OSBPL8: variants seen among roughly 807,000 people sequenced by gnomAD.
The protein encoded by OSBPL8 is oxysterol binding protein like 8, also known as oxysterol-binding protein-related protein 8.
OSBPL8 carries 59 observed loss-of-function variants against 125.5 expected under a neutral mutation model. That is an observed-to-expected ratio of 0.47 (90% CI 0.38 to 0.58). The LOEUF (loss-of-function observed/expected upper bound fraction) is 0.58, where lower values mean the gene tolerates loss of function less well. Among genes scored for constraint, OSBPL8 ranks in the 20% least tolerant of loss-of-function variants. The probability of loss-of-function intolerance (pLI) is 0.00; values close to 1 mark genes in which losing one functional copy is unlikely to be tolerated. For missense variants in OSBPL8, 758 were observed against 1,047.8 expected (o/e 0.72, Z 3.82); for synonymous variants, 330 against 338.9 (o/e 0.97, Z 0.29).
chr12:76,427,857 G>C (rs1870332662), intron 4 of OSBPL8, among the ~76,000 whole-genome samples: 1 of 152,048 alleles, frequency 6.6e-6, no homozygotes, highest in South Asian at 2.1e-4. Context: ...ACCACACATT[G>C]TTAAGTTGAA....
intron 1 of OSBPL8, among the ~76,000 whole-genome samples, chr12:76,524,719 T>C (rs1950119396): frequency 6.6e-6 from 1 of 151,938 alleles, no homozygotes; most frequent in South Asian, 2.1e-4. Context: ...AGTCTTGCTT[T>C]ATTGCCCAGG....
At chr12:76,556,346 G>A (rs546566338) in intron 1 of OSBPL8, among the ~76,000 whole-genome samples, 71 of 152,148 alleles carry the variant, frequency 4.7e-4, no homozygotes, top group Non-Finnish European at 9.4e-4. Context: ...TCCGAAAATA[G>A]CTCTCTCCCT....
At chr12:76,517,953 A>C (rs1460427290) in intron 1 of OSBPL8, among the ~76,000 whole-genome samples, 1 of 152,196 alleles carries the variant, frequency 6.6e-6, no homozygotes, top group African/African-American at 2.4e-5. Flanking sequence ...ATCACATTTC[A>C]ACATGAGATG....
intron 2 of OSBPL8, among the ~76,000 whole-genome samples, chr12:76,471,311 C>G (rs927297609): frequency 1.3e-5 from 2 of 152,168 alleles, no homozygotes; most frequent in African/African-American, 4.8e-5. Context: ...TTCATCTTCC[C>G]TTTCTCTGCC....
rs1182806186 is a variant in OSBPL8, at chr12:76,459,884, A to T, written c.54T>A (p.Asp18Glu). 4 of 1,613,708 alleles carry T rather than the reference A, an allele frequency of 2.5e-6. No individual in the cohort carries two copies. In the African/African-American group the frequency reaches 5.3e-5, roughly 22 times the overall value. Residue 18 changes from aspartate to glutamate, a missense_variant, in exon 3 of 24, where the codon GAT becomes GAA. Asp to Glu is a conservative substitution (Grantham distance 45). Coordinates refer to ENST00000261183, the MANE Select transcript of OSBPL8 (RefSeq NM_020841.5). ...GEPDRTSLLG[D>E]SKDVLGPSTV... is the part of the protein sequence containing the mutation. ...TTGATGGCCCAAGGACATCTTTGCT[A>T]TCACCAAGAAGCTTTTAAGGCAGGG...
intron 4 of OSBPL8, among the ~76,000 whole-genome samples, chr12:76,420,020 T>G (rs1869266018): frequency 6.6e-6 from 1 of 152,140 alleles, no homozygotes; most frequent in Non-Finnish European, 1.5e-5. Flanking sequence ...CCTTAACCTC[T>G]AATTTGTCCA....
Position 76,351,987 on chromosome 12 carries a change from G to T in OSBPL8, c.*3902C>A, listed in dbSNP as rs1249351133. The T allele has an allele frequency of 6.6e-6, 1 of 152,190 alleles. No homozygotes were observed. Among genetic ancestry groups the T allele is most frequent in the Non-Finnish European group, 1.5e-5 (1 of 68,022 alleles). The allele number at this position is 152,190 out of a possible 1,614,324, so 9.4% of individuals were successfully genotyped here. A position where few individuals can be genotyped will look rare whatever the true frequency, so the allele number is the denominator to read the frequency against. ...CATTTACTGTGCACCTTAAGGAAAA[G>T]AATTTGACAGTGTGCTGTACTTACA... On this transcript the variant is annotated 3_prime_UTR_variant, in exon 24 of 24. Coordinates refer to ENST00000261183, the MANE Select transcript of OSBPL8 (RefSeq NM_020841.5).
At chr12:76,360,608 C>T (rs943142878) in intron 21 of OSBPL8, among the ~76,000 whole-genome samples, 2 of 152,374 alleles carry the variant, frequency 1.3e-5, no homozygotes, top group African/African-American at 4.8e-5. Context: ...CTGCACTGTG[C>T]TAGCAGAGGT....
chr12:76,431,739 T>C (rs1870853629), intron 4 of OSBPL8, among the ~76,000 whole-genome samples: 2 of 152,104 alleles, frequency 1.3e-5, no homozygotes, highest in African/African-American at 4.8e-5. Context: ...TCAATGCACC[T>C]AAATATATAA....
intron 21 of OSBPL8, among the ~76,000 whole-genome samples, chr12:76,364,700 G>C (rs1952344851): frequency 6.6e-6 from 1 of 152,144 alleles, no homozygotes; most frequent in African/African-American, 2.4e-5. Flanking sequence ...TTGACATTTA[G>C]ACACTCAATT....
intron 12 of OSBPL8, among the ~76,000 whole-genome samples, chr12:76,388,254 T>C (rs574566524): frequency 1.3e-5 from 2 of 152,224 alleles, no homozygotes; most frequent in Non-Finnish European, 2.9e-5. Context: ...GCATTATATC[T>C]GTAGGAGTTA....
chr12:76,524,780 T>C (rs767885548), intron 1 of OSBPL8, among the ~76,000 whole-genome samples: 5 of 151,284 alleles, frequency 3.3e-5, no homozygotes, highest in Admixed American at 2.0e-4. Flanking sequence ...GCCTCCCAGG[T>C]TCAAGTGATT....
chr12:76,503,602 G>A (rs11837690), intron 1 of OSBPL8, among the ~76,000 whole-genome samples: 31,273 of 152,034 alleles, frequency 0.21, 3,451 homozygotes, highest in Non-Finnish European at 0.26. Context: ...GCAGTGGCGC[G>A]ATCTCGGCTC....
In OSBPL8 at chr12:76,410,625, C is replaced by G; in HGVS notation, c.227G>C (p.Arg76Thr). Residue 76 changes from arginine to threonine, a missense_variant, in exon 5 of 24, where the codon AGA (arginine) becomes ACA (threonine). Arg to Thr is a moderately conservative substitution (Grantham distance 71). Coordinates refer to ENST00000261183, the MANE Select transcript of OSBPL8 (RefSeq NM_020841.5). Reference protein sequence around the residue: ...PASPHSQGFERGKEDISQNKD... With the variant: ...PASPHSQGFETGKEDISQNKD... ...ATTTTGAGAAATATCTTCCTTCCCTCTTTCAAAACCTTAAAAAAATAGTCA... is the reference window on the plus strand; with the variant it reads ...ATTTTGAGAAATATCTTCCTTCCCTGTTTCAAAACCTTAAAAAAATAGTCA... 2.5e-6 allele frequency: 4 copies of G among 1,600,402 alleles called. No homozygotes were observed. Among genetic ancestry groups the G allele is most frequent in the Non-Finnish European group, 3.4e-6 (4 of 1,168,890 alleles).
chr12:76,433,801 C>G (rs1871132512), intron 4 of OSBPL8, among the ~76,000 whole-genome samples: 1 of 151,642 alleles, frequency 6.6e-6, no homozygotes, highest in African/African-American at 2.4e-5. Context: ...CGTGAAATGC[C>G]ATCTCTACTA....
At chr12:76,431,504 T>C (rs1257715739) in intron 4 of OSBPL8, among the ~76,000 whole-genome samples, 1 of 152,152 alleles carries the variant, frequency 6.6e-6, no homozygotes, top group South Asian at 2.1e-4. Flanking sequence ...GACTCAACTA[T>C]ATGCTGTTTA....
At chr12:76,444,335 G>A (rs1872530431) in intron 4 of OSBPL8, among the ~76,000 whole-genome samples, 1 of 152,094 alleles carries the variant, frequency 6.6e-6, no homozygotes, top group Admixed American at 6.5e-5. Flanking sequence ...ACAATATAAA[G>A]CAGCATATTG....
intron 2 of OSBPL8, among the ~76,000 whole-genome samples, chr12:76,462,671 GA>G (rs1382612025): frequency 2.6e-5 from 4 of 152,066 alleles, no homozygotes; most frequent in Non-Finnish European, 5.9e-5. Context: ...ACTAGGGGGG[GA>G]AATAAGTAAC....
chr12:76,532,113 T>C (rs1261748571), intron 1 of OSBPL8, among the ~76,000 whole-genome samples: 1 of 151,318 alleles, frequency 6.6e-6, no homozygotes, highest in Admixed American at 6.6e-5. Flanking sequence ...TTTTCTTTTC[T>C]AAACAAAAAT....
Sources: gnomAD v4.1 joint callset for allele counts (sites outside exome capture counted in the v4.1 genomes callset) on GRCh38, gnomAD v4.1.1 for gene constraint, MANE v1.5 for transcripts, NCBI Gene and HGNC (gene_info 2026-07-23, HGNC 2026-07-21) for gene names.